KIAA1217: variants seen among roughly 807,000 people sequenced by gnomAD.
KIAA1217 encodes sickle tail protein homolog.
A neutral mutation model predicts 163.9 loss-of-function variants in KIAA1217; 88 were observed. The ratio of observed to expected loss-of-function variants is 0.54; its 90% CI spans 0.45 to 0.64. The LOEUF (loss-of-function observed/expected upper bound fraction) is 0.64. KIAA1217 is among the 30% of genes least tolerant of loss of function. The probability of loss-of-function intolerance (pLI) is 0.00; values close to 1 mark genes in which losing one functional copy is unlikely to be tolerated. For missense variants in KIAA1217, 2,372 were observed against 2,475.0 expected, an observed-to-expected ratio of 0.96 and a Z score of 0.88; for synonymous variants, 903 against 923.1, an observed-to-expected ratio of 0.98 and a Z score of 0.39.
At chr10:24,211,961 T>C (rs767954924) in intron 1 of KIAA1217, among the ~76,000 whole-genome samples, 8 of 151,872 alleles carry the variant, frequency 5.3e-5, no homozygotes, top group Non-Finnish European at 1.0e-4. Flanking sequence ...GGAGGATCAC[T>C]TCAGCCAGGA....
chr10:24,474,126 A>C, intron 6 of KIAA1217, 66 bp downstream of exon 6: 1 of 1,207,920 alleles, frequency 8.3e-7, no homozygotes, highest in Non-Finnish European at 1.2e-6. Context: ...GCAGCTCTAC[A>C]GGGGTCAAAC....
chr10:23,889,917 T>C (rs1434757665), intron 1 of KIAA1217, among the ~76,000 whole-genome samples: 1 of 151,852 alleles, frequency 6.6e-6, no homozygotes, highest in Non-Finnish European at 1.5e-5. Context: ...TCTTGTTCTC[T>C]GTAAACAGAA....
At chr10:23,728,204 G>A (rs1343425363) in intron 1 of KIAA1217, among the ~76,000 whole-genome samples, 1 of 152,106 alleles carries the variant, frequency 6.6e-6, no homozygotes, top group African/African-American at 2.4e-5. Context: ...TGGCTCAAAT[G>A]GTATTTTTCG....
intron 5 of KIAA1217, among the ~76,000 whole-genome samples, chr10:24,457,369 T>C (rs2061910153): frequency 1.3e-5 from 2 of 152,042 alleles, no homozygotes; most frequent in East Asian, 3.9e-4. Context: ...TGTGTATGTG[T>C]GTGTGGGTGG....
At chr10:24,539,076 G>T (rs1279091552) in intron 17 of KIAA1217, among the ~76,000 whole-genome samples, 1 of 151,772 alleles carries the variant, frequency 6.6e-6, no homozygotes, top group Non-Finnish European at 1.5e-5. Flanking sequence ...CCTTATGAGG[G>T]CTTATTAAAA....
intron 2 of KIAA1217, among the ~76,000 whole-genome samples, chr10:24,021,330 T>C (rs1262499516): frequency 6.6e-6 from 1 of 151,902 alleles, no homozygotes; most frequent in Admixed American, 6.6e-5. Context: ...AAACTTTAAG[T>C]AAAAACACAA....
At chr10:23,743,719 T>A (rs1225897432) in intron 1 of KIAA1217, among the ~76,000 whole-genome samples, 1 of 152,238 alleles carries the variant, frequency 6.6e-6, no homozygotes. Context: ...CCCAGTGTTA[T>A]AAACTTTTAT....
chr10:23,772,505 C>T (rs990091179), intron 1 of KIAA1217, among the ~76,000 whole-genome samples: 2 of 152,022 alleles, frequency 1.3e-5, no homozygotes, highest in Non-Finnish European at 2.9e-5. Context: ...TTAGGAGCAC[C>T]AGGCATTGTT....
chr10:24,201,454 C>A (rs557469766), intron 2 of KIAA1217, among the ~76,000 whole-genome samples: 1 of 152,140 alleles, frequency 6.6e-6, no homozygotes, highest in East Asian at 1.9e-4. Context: ...CAAAGCAAAA[C>A]GATGTCATCT....
At chr10:23,719,583 A>AAAATAAAT (rs562845414) in intron 1 of KIAA1217, among the ~76,000 whole-genome samples, 40 of 148,498 alleles carry the variant, frequency 2.7e-4, no homozygotes, top group African/African-American at 9.4e-4. Flanking sequence ...CCCCTTCTCA[A>AAAATAAAT]AAATAAATAA....
rs201344196 is a variant in KIAA1217 at position 24,000,413 on chromosome 10, TGAA to T, written c.-320-6807_-320-6805del. 2.0e-4 allele frequency among the ~76,000 whole-genome samples: 31 copies of T among 152,318 alleles called. No individual in the cohort carries two copies. In the East Asian group the frequency reaches 6.0e-3, roughly 29 times the overall value. ...GGCACTTCTCCTTGCTGCCACCATG[TGAA>T]GAAGGACAGGTTTGCTTCGCCTTCT... On this transcript the variant is annotated intron_variant, in intron 1 of 18. Coordinates refer to the KIAA1217 transcript ENST00000376462.
chr10:23,817,740 T>G (rs980025207), intron 1 of KIAA1217, among the ~76,000 whole-genome samples: 2 of 151,760 alleles, frequency 1.3e-5, no homozygotes, highest in Non-Finnish European at 2.9e-5. Flanking sequence ...AGTACTAGTC[T>G]CATTTTGAGG....
At chr10:24,457,078 G>A (rs565114448) in intron 5 of KIAA1217, among the ~76,000 whole-genome samples, 41 of 152,152 alleles carry the variant, frequency 2.7e-4, no homozygotes, top group African/African-American at 7.9e-4. Context: ...AAACGTCATC[G>A]AAATGGCACC....
intron 5 of KIAA1217, among the ~76,000 whole-genome samples, chr10:24,469,674 T>G (rs2063294963): frequency 6.6e-6 from 1 of 151,990 alleles, no homozygotes; most frequent in Non-Finnish European, 1.5e-5. Flanking sequence ...TGCAGTGGTA[T>G]TATCTCGGCT....
intron 1 of KIAA1217, among the ~76,000 whole-genome samples, chr10:23,799,994 T>G (rs1836394230): frequency 6.6e-6 from 1 of 152,158 alleles, no homozygotes; most frequent in African/African-American, 2.4e-5. Flanking sequence ...CTGTATAATA[T>G]TTTTCTGGGA....
At chr10:24,372,728 C>G (rs1052932016) in intron 2 of KIAA1217, among the ~76,000 whole-genome samples, 13 of 152,136 alleles carry the variant, frequency 8.5e-5, no homozygotes, top group African/African-American at 3.1e-4. Context: ...TCTATTGTGT[C>G]CAATTACTAA....
chr10:24,036,077 G>C (rs550725060), intron 2 of KIAA1217, among the ~76,000 whole-genome samples: 1 of 152,180 alleles, frequency 6.6e-6, no homozygotes, highest in Non-Finnish European at 1.5e-5. Flanking sequence ...CTGTGGCCTC[G>C]AACCAGCCCC....
At chr10:24,363,403 G>C (rs1215820859) in intron 2 of KIAA1217, among the ~76,000 whole-genome samples, 1 of 152,102 alleles carries the variant, frequency 6.6e-6, no homozygotes, top group Non-Finnish European at 1.5e-5. Context: ...GTTTCTTTTT[G>C]CCATTTTCTT....
chr10:24,251,856 TAA>T (rs34540873), intron 2 of KIAA1217, among the ~76,000 whole-genome samples: 74,754 of 119,044 alleles, frequency 0.63, 23,538 homozygotes, highest in Non-Finnish European at 0.68. Flanking sequence ...CTGCATCTGT[TAA>T]AAAAAAAAAA....
Sources: allele counts gnomAD v4.1 joint callset (sites outside exome capture counted in the v4.1 genomes callset), GRCh38; gene constraint gnomAD v4.1.1; transcripts MANE v1.5; gene names NCBI Gene and HGNC (gene_info 2026-07-23, HGNC 2026-07-21).